The following ADAMTS6 variants were observed in gnomAD, a reference collection of about 807,000 sequenced individuals.
ADAMTS6 encodes the protein A disintegrin and metalloproteinase with thrombospondin motifs 6.
A neutral mutation model predicts 144.3 loss-of-function variants in ADAMTS6; 23 were observed. The ratio of observed to expected loss-of-function variants is 0.16; its 90% CI spans 0.11 to 0.23. ADAMTS6 has a LOEUF of 0.23. Ranked by LOEUF, ADAMTS6 falls within the 10% of genes least tolerant of loss-of-function variation. The pLI, the probability that ADAMTS6 is intolerant of heterozygous loss-of-function variation, is 1.00. For missense variants in ADAMTS6, 999 were observed against 1,379.6 expected, an observed-to-expected ratio of 0.72 and a Z score of 4.37; for synonymous variants, 444 against 457.5, an observed-to-expected ratio of 0.97 and a Z score of 0.38.
chr5:65,301,753 T>C (rs10070189), intron 9 of ADAMTS6, among the ~76,000 whole-genome samples: 44,750 of 151,852 alleles, frequency 0.29, 6,800 homozygotes, highest in Admixed American at 0.37. Context: ...GAACTGACTT[T>C]CATAAGTACA....
rs76289823 is a variant in ADAMTS6, at chr5:65,434,947, A to G, written c.1073+16528T>C. Among the ~76,000 whole-genome samples, 298 of 152,346 alleles carry G rather than the reference A, an allele frequency of 2.0e-3. 1 individual carries two copies. Among genetic ancestry groups the G allele is most frequent in the African/African-American group, 6.9e-3 (288 of 41,588 alleles). ...AAGATGCAGATTGCAGCATCGTTTA[A>G]AATTGTTTATAATAATGGAAAAATG... On this transcript the variant is annotated intron_variant, in intron 7 of 24. Transcript: ENST00000381055.
In ADAMTS6 at chr5:65,224,303, A is replaced by G. The variant is rs762609208; in HGVS notation, c.2272+17T>C. 6.2e-7 allele frequency: 1 copy of G among 1,607,592 alleles called. No individual in the cohort carries two copies. Among genetic ancestry groups the G allele is most frequent in the South Asian group, 1.1e-5 (1 of 90,972 alleles). The stretch of plus-strand genomic sequence containing the variant: ...TACTTTTAAAATCCAGCAAACTAGC[A>G]TACCAGTCTAACATACCAATATAGT... On this transcript the variant is annotated intron_variant, in intron 18 of 24. Transcript: ENST00000381055.
At chr5:65,246,288 G>T (rs1759626833) in intron 14 of ADAMTS6, among the ~76,000 whole-genome samples, 1 of 152,134 alleles carries the variant, frequency 6.6e-6, no homozygotes, top group African/African-American at 2.4e-5. Context: ...TTTCCTACGG[G>T]CACATCATAA....
intron 7 of ADAMTS6, among the ~76,000 whole-genome samples, chr5:65,335,907 T>C (rs1041703409): frequency 2.0e-5 from 3 of 151,656 alleles, no homozygotes; most frequent in African/African-American, 7.3e-5. Context: ...ATATAGGACA[T>C]ACATCTGAAA....
chr5:65,405,692 G>T (rs188866817), intron 7 of ADAMTS6, among the ~76,000 whole-genome samples: 336 of 152,254 alleles, frequency 2.2e-3, no homozygotes, highest in Non-Finnish European at 3.8e-3. Context: ...GAAAGTCATT[G>T]GTAGCTTGAT....
chr5:65,400,938 C>A (rs942565468), intron 7 of ADAMTS6, among the ~76,000 whole-genome samples: 1 of 152,176 alleles, frequency 6.6e-6, no homozygotes, highest in African/African-American at 2.4e-5. Flanking sequence ...TTACAGTTCT[C>A]ATCTGTGCTT....
chr5:65,182,617 G>A (rs577062133), intron 22 of ADAMTS6, among the ~76,000 whole-genome samples: 2 of 152,212 alleles, frequency 1.3e-5, no homozygotes, highest in South Asian at 2.1e-4. Flanking sequence ...GAAATGCTAA[G>A]AGGTAGAAAC....
rs957389293 is a variant in ADAMTS6 at position 65,252,146 on chromosome 5, C to T, written c.1830+8454G>A. ...AATCTGATTCACCAGTGTAGGGATC[C>T]ACATAGGAGGAATATCAAAGCTTCA... On this transcript the variant is annotated intron_variant, in intron 14 of 24. Coordinates refer to ENST00000381055, the MANE Select transcript of ADAMTS6 (RefSeq NM_197941.4). 4.6e-5 allele frequency among the ~76,000 whole-genome samples: 7 copies of T among 152,096 alleles called. No homozygotes were observed. The South Asian group carries it at 1.0e-3, about 23-fold the overall frequency.
At chr5:65,427,311 A>ATT (rs932578508) in intron 7 of ADAMTS6, among the ~76,000 whole-genome samples, 1 of 150,146 alleles carries the variant, frequency 6.7e-6, no homozygotes, top group African/African-American at 2.4e-5. Context: ...TATTATTATT[A>ATT]TTTTTTTTTA....
intron 15 of ADAMTS6, among the ~76,000 whole-genome samples, chr5:65,238,723 A>T (rs192704687): frequency 1.7e-4 from 26 of 152,346 alleles, no homozygotes; most frequent in Non-Finnish European, 4.4e-5. Flanking sequence ...TCACTCAGGA[A>T]TCGATTTAGT....
At chr5:65,384,356 G>C (rs1022525075) in intron 7 of ADAMTS6, among the ~76,000 whole-genome samples, 1 of 152,106 alleles carries the variant, frequency 6.6e-6, no homozygotes, top group Admixed American at 6.5e-5. Context: ...CATGCCACAA[G>C]AGAAACCATG....
At chr5:65,241,017 T>C (rs1759128661) in intron 15 of ADAMTS6, among the ~76,000 whole-genome samples, 3 of 152,112 alleles carry the variant, frequency 2.0e-5, no homozygotes, top group Admixed American at 2.0e-4. Flanking sequence ...GGAAAGTACA[T>C]TAATGACTGC....
At chr5:65,397,705 C>T (rs948333555) in intron 7 of ADAMTS6, among the ~76,000 whole-genome samples, 2 of 151,114 alleles carry the variant, frequency 1.3e-5, no homozygotes, top group Admixed American at 6.6e-5. Flanking sequence ...GGAGAAACCT[C>T]GACTCTACAA....
intron 11 of ADAMTS6, among the ~76,000 whole-genome samples, chr5:65,288,885 A>G (rs1027719011): frequency 1.3e-5 from 2 of 152,160 alleles, no homozygotes; most frequent in Non-Finnish European, 1.5e-5. Flanking sequence ...TGAAGCCACT[A>G]TTGTTTTCCA....
chr5:65,469,540 T>C (rs552430557), intron 3 of ADAMTS6, among the ~76,000 whole-genome samples: 2 of 152,356 alleles, frequency 1.3e-5, no homozygotes, highest in South Asian at 2.1e-4. Context: ...ATCTGTTTTA[T>C]AGAGAAAGTC....
intron 7 of ADAMTS6, among the ~76,000 whole-genome samples, chr5:65,434,912 G>A (rs1757276243): frequency 6.6e-6 from 1 of 152,102 alleles, no homozygotes; most frequent in Admixed American, 6.5e-5. Context: ...CTCCTAAGGA[G>A]ACAGATACAA....
At chr5:65,393,109 A>G (rs1030542346) in intron 7 of ADAMTS6, among the ~76,000 whole-genome samples, 6 of 152,202 alleles carry the variant, frequency 3.9e-5, no homozygotes, top group Admixed American at 6.5e-5. Context: ...AGCCAAAAAC[A>G]TTATTTACCA....
intron 7 of ADAMTS6, among the ~76,000 whole-genome samples, chr5:65,437,295 C>T (rs1320585445): frequency 1.3e-5 from 2 of 152,008 alleles, no homozygotes; most frequent in African/African-American, 4.8e-5. Context: ...AGGGTCTCAC[C>T]ACGTTAGCTA....
chr5:65,363,032 AAAGATGTACCCC>A, intron 7 of ADAMTS6, among the ~76,000 whole-genome samples: 1 of 152,292 alleles, frequency 6.6e-6, no homozygotes, highest in East Asian at 1.9e-4. Flanking sequence ...TAAAACTCAT[AAAGATGTACCCC>A]AAGATACAGC....
Sources: gnomAD v4.1 joint callset for allele counts (sites outside exome capture counted in the v4.1 genomes callset) on GRCh38, gnomAD v4.1.1 for gene constraint, MANE v1.5 for transcripts, NCBI Gene and HGNC (gene_info 2026-07-23, HGNC 2026-07-21) for gene names.